Variants in MYO3A observed in about 807,000 individuals in gnomAD.
The protein encoded by MYO3A is myosin-IIIa.
MYO3A carries 180 observed loss-of-function variants against 192.7 expected under a neutral mutation model. The ratio of observed to expected loss-of-function variants is 0.93; its 90% CI spans 0.83 to 1.06. MYO3A has a LOEUF of 1.06. Ranked by LOEUF, MYO3A falls within the 50% of genes least tolerant of loss-of-function variation. MYO3A has a pLI of 0.00. For synonymous variants in MYO3A, 628 were observed against 645.3 expected, an observed-to-expected ratio of 0.97 and a Z score of 0.41; for missense variants, 1,896 against 1,905.0, an observed-to-expected ratio of 1.00 and a Z score of 0.09.
chr10:26,077,485 A>G (rs913653473), intron 14 of MYO3A, among the ~76,000 whole-genome samples: 1 of 151,420 alleles, frequency 6.6e-6, no homozygotes, highest in African/African-American at 2.4e-5. Context: ...TGGATGCCCT[A>G]TATTTCTTTC....
intron 10 of MYO3A, among the ~76,000 whole-genome samples, chr10:26,055,822 T>C (rs564471826): frequency 1.3e-5 from 2 of 152,300 alleles, no homozygotes; most frequent in African/African-American, 4.8e-5. Context: ...CATTAAAAGG[T>C]TGAAACCTAA....
chr10:26,188,171 A>C (rs919510251), intron 31 of MYO3A, among the ~76,000 whole-genome samples: 1 of 152,132 alleles, frequency 6.6e-6, no homozygotes, highest in African/African-American at 2.4e-5. Flanking sequence ...CTGACTTTTT[A>C]ATGATCGCCA....
intron 10 of MYO3A, among the ~76,000 whole-genome samples, chr10:26,036,370 T>C (rs1415819075): frequency 6.6e-6 from 1 of 152,188 alleles, no homozygotes; most frequent in Non-Finnish European, 1.5e-5. Flanking sequence ...GACATATTGA[T>C]ATGGGTGTTG....
intron 4 of MYO3A, among the ~76,000 whole-genome samples, chr10:25,983,621 A>T (rs1199321870): frequency 6.6e-6 from 1 of 152,176 alleles, no homozygotes; most frequent in African/African-American, 2.4e-5. Flanking sequence ...TAAATATCCA[A>T]ACCTAAGAAT....
intron 4 of MYO3A, among the ~76,000 whole-genome samples, chr10:25,989,743 T>C (rs1262435239): frequency 1.3e-5 from 2 of 152,144 alleles, no homozygotes; most frequent in Non-Finnish European, 2.9e-5. Context: ...ATTAGAAAAA[T>C]TGCATGAGAA....
chr10:25,956,495 A>ATTTTTTTTTTTTTTTT (rs562368305), intron 4 of MYO3A, among the ~76,000 whole-genome samples: 5 of 128,844 alleles, frequency 3.9e-5, no homozygotes, highest in Non-Finnish European at 8.2e-5. Context: ...GCCCAGCTAA[A>ATTTTTTTTTTTTTTTT]TTTTTTTTTT....
intron 4 of MYO3A, among the ~76,000 whole-genome samples, chr10:25,961,281 G>C (rs544718981): frequency 6.7e-4 from 102 of 152,160 alleles, no homozygotes; most frequent in Non-Finnish European, 1.3e-3. Flanking sequence ...TATTGAATGA[G>C]ATCATTCATT....
intron 10 of MYO3A, among the ~76,000 whole-genome samples, chr10:26,055,522 G>A (rs550047891): frequency 6.6e-6 from 1 of 152,198 alleles, no homozygotes; most frequent in South Asian, 2.1e-4. Flanking sequence ...ATGAATTGCT[G>A]GAGGCTCAGT....
At chr10:26,056,010 A>G (rs11014929) in intron 10 of MYO3A, among the ~76,000 whole-genome samples, 71,996 of 152,016 alleles carry the variant, frequency 0.47, 17,873 homozygotes, top group Middle Eastern at 0.59. Context: ...TCAGAACCAT[A>G]CTTAGATATG....
At chr10:26,207,041 G>A (rs1394850908) in intron 34 of MYO3A, among the ~76,000 whole-genome samples, 2 of 150,594 alleles carry the variant, frequency 1.3e-5, no homozygotes, top group Admixed American at 1.3e-4. Context: ...TGTTTAATTG[G>A]GTTATTGGAG....
In MYO3A at chr10:26,024,074, G is replaced by T; in HGVS notation, c.784G>T (p.Asp262Tyr). 1 of 1,612,726 alleles carries T rather than the reference G, an allele frequency of 6.2e-7. No individual in the cohort carries two copies. The highest frequency in any genetic ancestry group is 1.1e-5 in the South Asian group (1 of 91,020). The change falls in exon 9 of 35, where the codon GAC (aspartate) becomes TAC (tyrosine). Residue 262 changes from aspartate (D) to tyrosine (Y), a missense_variant. Transcript: ENST00000642920. ...TGAGCTATGGTCAGCAGAATTCAAT[G>T]ACTTCATAAGCAAGTGAGTAAAAAC... ...QPELWSAEFN[D>Y]FISKCLTKDY...
chr10:26,116,352 A>G (rs1418344072), intron 17 of MYO3A, among the ~76,000 whole-genome samples: 1 of 152,132 alleles, frequency 6.6e-6, no homozygotes. Flanking sequence ...ATTTGTCTTC[A>G]CCTGGTGTTC....
At chr10:26,043,558 C>G (rs1224892085) in intron 10 of MYO3A, among the ~76,000 whole-genome samples, 2 of 152,184 alleles carry the variant, frequency 1.3e-5, no homozygotes, top group African/African-American at 4.8e-5. Context: ...CTTACCTCCC[C>G]TTTCCACAGG....
intron 15 of MYO3A, among the ~76,000 whole-genome samples, chr10:26,091,028 T>C (rs149991680): frequency 9.5e-4 from 144 of 152,298 alleles, no homozygotes; most frequent in African/African-American, 3.4e-3. Flanking sequence ...CTCTCCTTCA[T>C]TCGCCTGTTT....
intron 20 of MYO3A, among the ~76,000 whole-genome samples, chr10:26,129,659 G>T (rs1839421630): frequency 6.6e-6 from 1 of 152,128 alleles, no homozygotes; most frequent in Non-Finnish European, 1.5e-5. Context: ...GTATCTGGCT[G>T]TGACCTCCCC....
At chr10:26,158,124 A>ATAAT (rs1190596169) in intron 26 of MYO3A, among the ~76,000 whole-genome samples, 1 of 152,224 alleles carries the variant, frequency 6.6e-6, no homozygotes, top group Non-Finnish European at 1.5e-5. Context: ...TAGGATCCTT[A>ATAAT]TAATGATCAA....
At chr10:26,002,094 C>T (rs1168665159) in intron 6 of MYO3A, among the ~76,000 whole-genome samples, 1 of 152,182 alleles carries the variant, frequency 6.6e-6, no homozygotes, top group Admixed American at 6.5e-5. Context: ...CTTTATTTTT[C>T]TTCCAGCCAG....
chr10:26,083,257 C>A (rs1438603162), intron 14 of MYO3A, among the ~76,000 whole-genome samples: 1 of 152,180 alleles, frequency 6.6e-6, no homozygotes. Flanking sequence ...GTAGCATATA[C>A]AACATGGATA....
chr10:26,107,043 A>G (rs531696677), intron 17 of MYO3A, among the ~76,000 whole-genome samples: 1 of 152,164 alleles, frequency 6.6e-6, no homozygotes, highest in South Asian at 2.1e-4. Flanking sequence ...GAAGACAAGA[A>G]GCACCTTGAC....
Sources: gnomAD v4.1 joint callset for allele counts (sites outside exome capture counted in the v4.1 genomes callset) on GRCh38, gnomAD v4.1.1 for gene constraint, MANE v1.5 for transcripts, NCBI Gene and HGNC (gene_info 2026-07-23, HGNC 2026-07-21) for gene names.